Variants in RBFOX1 observed in about 807,000 individuals in gnomAD.
The protein encoded by RBFOX1 is RNA binding fox-1 homolog 1, also known as RNA binding protein fox-1 homolog 1.
In RBFOX1, 8 loss-of-function variants were observed where a neutral mutation model predicts 57.7. The observed-to-expected ratio is 0.14, with a 90% CI of 0.08 to 0.25. The LOEUF (loss-of-function observed/expected upper bound fraction) is 0.25. Among genes scored for constraint, RBFOX1 ranks in the 10% least tolerant of loss-of-function variants. The pLI is 1.00. For missense variants in RBFOX1, 611 were observed against 548.5 expected, an observed-to-expected ratio of 1.11 and a Z score of -1.14; for synonymous variants, 326 against 222.4, an observed-to-expected ratio of 1.47 and a Z score of -4.15.
At chr16:5,473,590 G>C (rs994775805) in intron 2 of RBFOX1, among the ~76,000 whole-genome samples, 36 of 150,922 alleles carry the variant, frequency 2.4e-4, no homozygotes, top group African/African-American at 7.8e-4. Flanking sequence ...TGGATGAAAA[G>C]ATGGACGTAA....
intron 2 of RBFOX1, among the ~76,000 whole-genome samples, chr16:6,593,188 G>A (rs1026082245): frequency 4.6e-5 from 7 of 151,968 alleles, no homozygotes; most frequent in African/African-American, 1.7e-4. Flanking sequence ...GTGAAACTCT[G>A]TCTCATAAAA....
intron 4 of RBFOX1, among the ~76,000 whole-genome samples, chr16:7,208,979 C>G (rs1481572522): frequency 6.6e-6 from 1 of 151,984 alleles, no homozygotes; most frequent in Non-Finnish European, 1.5e-5. Context: ...TTCATCTTCC[C>G]TCTATGCATG....
chr16:6,887,347 T>G (rs2064304376), intron 3 of RBFOX1, among the ~76,000 whole-genome samples: 1 of 152,142 alleles, frequency 6.6e-6, no homozygotes, highest in African/African-American at 2.4e-5. Flanking sequence ...TAAAGTAAGT[T>G]GAGAAGTTGA....
Position 6,669,771 on chromosome 16 carries a change from G to A in RBFOX1, c.-16+15121G>A, listed in dbSNP as rs572455326. Among the ~76,000 whole-genome samples the A allele has an allele frequency of 5.9e-5, 9 of 152,190 alleles. No homozygotes were observed. In the East Asian group the frequency reaches 1.6e-3, roughly 26 times the overall value. On this transcript the variant is annotated intron_variant, in intron 3 of 15. Coordinates refer to ENST00000550418, the MANE Select transcript of RBFOX1 (RefSeq NM_018723.4). ...AGGACAGAACCTTCAGAATAGAAAA[G>A]GTCCTAAGCTTAAGGACTTCTAGCT...
intron 2 of RBFOX1, among the ~76,000 whole-genome samples, chr16:5,560,583 T>C (rs1387161311): frequency 2.0e-5 from 3 of 152,358 alleles, no homozygotes; most frequent in East Asian, 3.9e-4. Context: ...AGGTCAAATG[T>C]GGTGCCTATT....
At chr16:7,193,824 G>T (rs986335475) in intron 4 of RBFOX1, among the ~76,000 whole-genome samples, 5 of 152,122 alleles carry the variant, frequency 3.3e-5, no homozygotes. Context: ...ATGTATTTAC[G>T]TAACTCAAAA....
intron 3 of RBFOX1, among the ~76,000 whole-genome samples, chr16:7,003,765 G>C (rs1420255432): frequency 6.6e-6 from 1 of 152,092 alleles, no homozygotes. Context: ...TGCACATCAA[G>C]TCTAATTTTA....
At chr16:6,757,175 G>T (rs1388257722) in intron 3 of RBFOX1, among the ~76,000 whole-genome samples, 2 of 152,114 alleles carry the variant, frequency 1.3e-5, no homozygotes, top group African/African-American at 4.8e-5. Context: ...GGAGAAAAGG[G>T]AACTTTTATG....
At chr16:5,917,131 T>G (rs1020199163) in intron 4 of RBFOX1, among the ~76,000 whole-genome samples, 17 of 152,116 alleles carry the variant, frequency 1.1e-4, no homozygotes, top group Non-Finnish European at 1.0e-4. Flanking sequence ...TCCTTCCTGT[T>G]CCTCTGCTTT....
chr16:6,838,524 G>A (rs186991063), intron 3 of RBFOX1, among the ~76,000 whole-genome samples: 24 of 152,260 alleles, frequency 1.6e-4, no homozygotes, highest in Admixed American at 1.5e-3. Flanking sequence ...AAATGCAACT[G>A]CAAAACTGCT....
intron 3 of RBFOX1, among the ~76,000 whole-genome samples, chr16:7,025,369 C>A (rs2169855): frequency 0.078 from 11,874 of 152,112 alleles, 759 homozygotes; most frequent in East Asian, 0.3. Context: ...GGCTTCTTTA[C>A]TGCAAACTGT....
rs112488718 is a variant in RBFOX1 at position 7,269,650 on chromosome 16, C to T, written c.27+217552C>T. 3.6e-3 allele frequency among the ~76,000 whole-genome samples: 555 copies of T among 152,246 alleles called. 5 individuals are homozygous for T. Among genetic ancestry groups the T allele is most frequent in the African/African-American group, 0.013 (530 of 41,550 alleles). On this transcript the variant is annotated intron_variant, in intron 4 of 15. Transcript: ENST00000550418. Reference sequence around the variant, plus strand: ...TCTGTTGTACCAAAAGTTATTACCTCTGTTGTTATTGAAGAAATTTTTTAT... The same window carrying T: ...TCTGTTGTACCAAAAGTTATTACCTTTGTTGTTATTGAAGAAATTTTTTAT...
intron 3 of RBFOX1, among the ~76,000 whole-genome samples, chr16:6,956,805 A>T (rs1231939225): frequency 6.6e-6 from 1 of 152,032 alleles, no homozygotes. Context: ...GTGGTTGCAG[A>T]CAGAGAGCAG....
intron 2 of RBFOX1, among the ~76,000 whole-genome samples, chr16:6,486,415 A>C (rs1567398319): frequency 6.6e-6 from 1 of 152,126 alleles, no homozygotes; most frequent in East Asian, 1.9e-4. Flanking sequence ...GGAAGAAGAT[A>C]TCTGAACTAA....
rs541812317 is a variant in RBFOX1 at position 5,888,290 on chromosome 16, C to T, written c.351+20955C>T. On this transcript the variant is annotated intron_variant, in intron 4 of 19. Transcript: ENST00000641259. ...GCCACCTTTTCTCCAGTTGCCTCCC[C>T]TCATTATCCATCCCAAAGTGAGCAT... is the stretch of plus-strand genomic sequence containing the variant. Among the ~76,000 whole-genome samples, 16 of 152,338 alleles carry T rather than the reference C, an allele frequency of 1.1e-4. No individual in the cohort carries two copies. In the East Asian group the frequency reaches 3.1e-3, roughly 29 times the overall value.
chr16:6,256,139 G>A (rs1207163081), intron 1 of RBFOX1, among the ~76,000 whole-genome samples: 232 of 22,794 alleles, frequency 0.01, 1 homozygote, highest in Non-Finnish European at 0.022. Context: ...ATATATATAT[G>A]TGTGTATATA....
chr16:7,022,667 C>T (rs1235204824), intron 3 of RBFOX1, among the ~76,000 whole-genome samples: 1 of 151,908 alleles, frequency 6.6e-6, no homozygotes, highest in South Asian at 2.1e-4. Context: ...ATAGAGCTGA[C>T]ATGTAGCAGA....
intron 1 of RBFOX1, among the ~76,000 whole-genome samples, chr16:6,253,718 C>G (rs994774750): frequency 7.9e-6 from 1 of 125,854 alleles, no homozygotes; most frequent in Admixed American, 8.0e-5. Flanking sequence ...TATATATGTA[C>G]CTATACAGAA....
intron 3 of RBFOX1, among the ~76,000 whole-genome samples, chr16:6,919,641 G>T (rs1483784904): frequency 6.6e-6 from 1 of 151,948 alleles, no homozygotes; most frequent in Non-Finnish European, 1.5e-5. Flanking sequence ...CGTCCTTTTT[G>T]TTGATGGAGA....
Sources: allele counts gnomAD v4.1 joint callset (sites outside exome capture counted in the v4.1 genomes callset), GRCh38; gene constraint gnomAD v4.1.1; transcripts MANE v1.5; gene names NCBI Gene and HGNC (gene_info 2026-07-23, HGNC 2026-07-21).